Variants in RP1 observed in about 807,000 individuals in gnomAD.
RP1 encodes oxygen-regulated protein 1.
In RP1, 16 loss-of-function variants were observed where a neutral mutation model predicts 14.8. The observed-to-expected ratio is 1.08, with a 90% confidence interval of 0.73 to 1.65. The LOEUF is 1.65. Among genes scored for constraint, RP1 ranks in the 40% most tolerant of loss-of-function variants. RP1 has a pLI of 0.00. For missense variants in RP1, 2,631 were observed against 2,535.0 expected, an observed-to-expected ratio of 1.04 and a Z score of -0.81; for synonymous variants, 876 against 883.6, an observed-to-expected ratio of 0.99 and a Z score of 0.15.
Position 54,630,343 on chromosome 8 carries a change from A to C in RP1, c.6461A>C (p.Glu2154Ala), listed in dbSNP as rs973168352. ...GATCTTGAAAGCAGTAGAGAACAAGAAGATTTATAATTTCAATATCAGCAC... is the reference window on the plus strand; with the variant it reads ...GATCTTGAAAGCAGTAGAGAACAAGCAGATTTATAATTTCAATATCAGCAC... ...LTDLESSREQ[E>A]DL Residue 2154 changes from glutamate (E) to alanine (A), a missense_variant, in exon 4 of 4, where the codon GAA becomes GCA. Coordinates refer to ENST00000220676, the MANE Select transcript of RP1 (RefSeq NM_006269.2). 2 of 1,613,566 alleles carry C rather than the reference A, an allele frequency of 1.2e-6. No individual in the cohort carries two copies. The highest frequency in any genetic ancestry group is 1.7e-6 in the Non-Finnish European group (2 of 1,179,788).
chr8:54,560,497 C>A (rs1804261897), intron 1 of RP1: 8 of 151,850 alleles, frequency 5.3e-5, no homozygotes, highest in Admixed American at 2.6e-4. Flanking sequence ...GTGAGAAGCC[C>A]CCTGGTAACT....
upstream of RP1, among the ~76,000 whole-genome samples, chr8:54,612,608 TG>T (rs1244081699): frequency 6.6e-6 from 1 of 152,204 alleles, no homozygotes; most frequent in Non-Finnish European, 1.5e-5. Flanking sequence ...TTAACATCAT[TG>T]TCAAAGTAAT....
chr8:54,857,087 T>A (rs887427331), exon 27 of RP1: 10 of 1,222,366 alleles, frequency 8.2e-6, no homozygotes, highest in Middle Eastern at 6.2e-4. Flanking sequence ...TTCTGATTAG[T>A]CATGATGGAA....
chr8:54,629,688 G>C lies in RP1; in HGVS notation c.5806G>C (p.Ala1936Pro). ...CATGAATGAGGAAGACCGAGGATTT[G>C]CATATCGCAAAGAATCTGATATTGA... The part of the protein sequence containing the change: ...QPMNEEDRGF[A>P]YRKESDIENF... Residue 1936 changes from alanine to proline, a missense_variant, in exon 4 of 4, where the codon GCA becomes CCA. Ala to Pro is a conservative substitution (Grantham distance 27). Transcript: ENST00000220676. 2 of 1,613,534 alleles carry C rather than the reference G, an allele frequency of 1.2e-6. No individual in the cohort carries two copies. The highest frequency in any genetic ancestry group is 1.7e-6 in the Non-Finnish European group (2 of 1,179,838).
At chr8:54,614,353 A>G (rs1805663815), upstream of RP1, among the ~76,000 whole-genome samples, 6 of 152,184 alleles carry the variant, frequency 3.9e-5, no homozygotes, top group Admixed American at 3.9e-4. Flanking sequence ...GCCTAATATG[A>G]ACTCTGCCAA....
chr8:54,865,038 G>T (rs974011711), intron 27 of RP1, among the ~76,000 whole-genome samples: 31 of 151,990 alleles, frequency 2.0e-4, no homozygotes, highest in Non-Finnish European at 3.1e-4. Context: ...ACATTTAGAT[G>T]ATTTTTCTAT....
At chr8:54,818,612 C>T (rs566382034) in intron 24 of RP1, among the ~76,000 whole-genome samples, 1 of 152,280 alleles carries the variant, frequency 6.6e-6, no homozygotes, top group South Asian at 2.1e-4. Context: ...AATGAGGCAG[C>T]CTGCCTAAGG....
At chr8:54,742,428 G>T (rs1157733259) in intron 19 of RP1, among the ~76,000 whole-genome samples, 1 of 152,144 alleles carries the variant, frequency 6.6e-6, no homozygotes, top group Non-Finnish European at 1.5e-5. Context: ...TAATTTTGCT[G>T]AGGTGTTTAT....
At chr8:54,818,277 C>A (rs533065808) in intron 24 of RP1, among the ~76,000 whole-genome samples, 3 of 152,342 alleles carry the variant, frequency 2.0e-5, no homozygotes, top group African/African-American at 7.2e-5. Flanking sequence ...ATTTCCTCAA[C>A]TGTGAAATGG....
At chr8:54,767,469 C>T (rs1011157341) in intron 22 of RP1, among the ~76,000 whole-genome samples, 5 of 151,730 alleles carry the variant, frequency 3.3e-5, no homozygotes, top group Admixed American at 3.3e-4. Flanking sequence ...AAGTGATTCT[C>T]CTGCCTCAGC....
chr8:54,868,842 C>T (rs778930635), intron 28 of RP1, among the ~76,000 whole-genome samples: 25 of 152,048 alleles, frequency 1.6e-4, no homozygotes, highest in Admixed American at 7.2e-4. Context: ...AAAAGGTCTC[C>T]GAGAAGGAGG....
At chr8:54,764,909 AAG>A (rs1467842043) in intron 22 of RP1, among the ~76,000 whole-genome samples, 2 of 152,076 alleles carry the variant, frequency 1.3e-5, no homozygotes, top group Admixed American at 1.3e-4. Context: ...ATGAGTTAAA[AAG>A]AAAAAAAAAA....
intron 13 of RP1, among the ~76,000 whole-genome samples, chr8:54,700,755 C>A (rs1204511103): frequency 6.6e-6 from 1 of 152,110 alleles, no homozygotes; most frequent in East Asian, 1.9e-4. Context: ...CATCTTGTTT[C>A]ACAGAAGATT....
chr8:54,822,991 AC>A (rs1563387157), intron 24 of RP1, among the ~76,000 whole-genome samples: 1 of 152,154 alleles, frequency 6.6e-6, no homozygotes, highest in Non-Finnish European at 1.5e-5. Flanking sequence ...TGTACCCTTA[AC>A]CCATTTTCCC....
chr8:54,732,455 C>T (rs1263144598), intron 17 of RP1, among the ~76,000 whole-genome samples: 6 of 152,266 alleles, frequency 3.9e-5, no homozygotes, highest in East Asian at 3.9e-4. Context: ...TCAAACTTTT[C>T]ATCAGTTCTG....
rs185736531 is a variant in RP1, at chr8:54,869,364, A to T, written c.4152-479A>T. On this transcript the variant is annotated intron_variant, in intron 28 of 28. Transcript: ENST00000637698. ...TTTATACTGATTACATGTTGAAATA[A>T]TAATCTTTTGAATTTATGAAAATTC... 7.3e-4 allele frequency among the ~76,000 whole-genome samples: 111 copies of T among 152,340 alleles called. 1 individual carries two copies. Among genetic ancestry groups the T allele is most frequent in the Middle Eastern group, 3.4e-3 (1 of 294 alleles).
At chr8:54,754,825 G>C in exon 20 of RP1, 1 of 1,525,264 alleles carries the variant, frequency 6.6e-7, no homozygotes, top group Non-Finnish European at 8.8e-7. Flanking sequence ...CATATGAAAA[G>C]CAAGAAGATC....
intron 1 of RP1, among the ~76,000 whole-genome samples, chr8:54,594,878 A>G (rs1805104895): frequency 1.3e-5 from 2 of 152,154 alleles, no homozygotes; most frequent in Admixed American, 1.3e-4. Flanking sequence ...ATATTCTTTA[A>G]CAGGAAGGGA....
exon 8 of RP1, chr8:54,673,858 C>G (rs764323363): frequency 1.7e-5 from 26 of 1,535,566 alleles, no homozygotes; most frequent in Non-Finnish European, 2.3e-5. Context: ...AGACTGACAC[C>G]TTTTTCCTGG....
Sources: gnomAD v4.1 joint callset for allele counts (sites outside exome capture counted in the v4.1 genomes callset) on GRCh38, gnomAD v4.1.1 for gene constraint, MANE v1.5 for transcripts, NCBI Gene and HGNC (gene_info 2026-07-23, HGNC 2026-07-21) for gene names.